The following ANO3 variants were observed in gnomAD, a reference collection of about 807,000 sequenced individuals.
ANO3 encodes the protein anoctamin 3, also known as anoctamin-3.
In ANO3, 99 loss-of-function variants were observed where a neutral mutation model predicts 144.8. The ratio of observed to expected loss-of-function variants is 0.68; its 90% CI spans 0.58 to 0.81. ANO3 has a LOEUF of 0.81. Among genes scored for constraint, ANO3 ranks in the 30% least tolerant of loss-of-function variants. The pLI is 0.00. For missense variants in ANO3, 905 were observed against 1,202.2 expected (o/e 0.75, Z 3.66); for synonymous variants, 414 against 392.6 (o/e 1.05, Z -0.64).
intron 1 of ANO3, among the ~76,000 whole-genome samples, chr11:26,250,870 C>A (rs1852912895): frequency 6.6e-6 from 1 of 152,080 alleles, no homozygotes; most frequent in Non-Finnish European, 1.5e-5. Context: ...GTACATCTAC[C>A]TACTAAATAT....
At chr11:26,474,232 T>C (rs1859879525) in intron 4 of ANO3, 1 of 380,214 alleles carries the variant, frequency 2.6e-6, no homozygotes. Context: ...GATTTCAGAA[T>C]TGGAATTGAG....
At chr11:26,633,682 A>G (rs1852856063) in intron 18 of ANO3, among the ~76,000 whole-genome samples, 1 of 152,226 alleles carries the variant, frequency 6.6e-6, no homozygotes, top group Admixed American at 6.5e-5. Flanking sequence ...TCTAAAGATT[A>G]TCTTACGAAG....
chr11:26,585,655 C>G (rs1366093012), intron 14 of ANO3, among the ~76,000 whole-genome samples: 1 of 152,096 alleles, frequency 6.6e-6, no homozygotes. Flanking sequence ...GATTTTCATT[C>G]CCACCTATCA....
upstream of ANO3, among the ~76,000 whole-genome samples, chr11:26,329,663 C>T (rs914288549): frequency 6.6e-6 from 1 of 152,086 alleles, no homozygotes; most frequent in Non-Finnish European, 1.5e-5. Context: ...AAAATCTCAA[C>T]TCATTTCTAG....
At chr11:26,517,035 T>G (rs1185552978) in intron 6 of ANO3, 108 bp downstream of exon 6, 2 of 549,340 alleles carry the variant, frequency 3.6e-6, no homozygotes, top group Non-Finnish European at 6.0e-6. Context: ...AAAATGCTTT[T>G]TCTTTCAAAA....
At chr11:26,317,960 C>G (rs943898523) in intron 1 of ANO3, among the ~76,000 whole-genome samples, 1 of 152,220 alleles carries the variant, frequency 6.6e-6, no homozygotes, top group Non-Finnish European at 1.5e-5. Context: ...CCTTTGCAGG[C>G]ACATGGATGA....
chr11:26,490,636 G>A (rs916932992), intron 4 of ANO3, among the ~76,000 whole-genome samples: 1 of 152,126 alleles, frequency 6.6e-6, no homozygotes, highest in African/African-American at 2.4e-5. Context: ...AGAAATGAAG[G>A]TAGAATGAAT....
chr11:26,498,606 T>C (rs1861064130), intron 4 of ANO3, among the ~76,000 whole-genome samples: 1 of 151,014 alleles, frequency 6.6e-6, no homozygotes, highest in Non-Finnish European at 1.5e-5. Flanking sequence ...TAAGATCATA[T>C]TGAGCTGGAA....
At chr11:26,296,372 CCCTCT>C (rs879923813) in intron 1 of ANO3, among the ~76,000 whole-genome samples, 202 of 152,278 alleles carry the variant, frequency 1.3e-3, no homozygotes, top group Non-Finnish European at 2.3e-3. Flanking sequence ...GATTAATTGA[CCCTCT>C]CTTCCATGCT....
At chr11:26,519,978 T>TAA (rs143085570) in intron 6 of ANO3, among the ~76,000 whole-genome samples, 11 of 151,318 alleles carry the variant, frequency 7.3e-5, no homozygotes, top group South Asian at 2.1e-4. Flanking sequence ...TTTACTAATT[T>TAA]AAAAAAAAAT....
rs192585001 is a variant in ANO3 at position 26,561,533 on chromosome 11, C to T, written c.1447+1754C>T. Among the ~76,000 whole-genome samples, 7 of 152,034 alleles carry T rather than the reference C, an allele frequency of 4.6e-5. No homozygotes were observed. In the East Asian group the frequency reaches 1.4e-3, roughly 29 times the overall value. ...AGAAGTGTAGACCATACCTCATTGACTTTTGAATCTTGTGATTTCAAAGCC... is the reference window on the plus strand; with the variant it reads ...AGAAGTGTAGACCATACCTCATTGATTTTTGAATCTTGTGATTTCAAAGCC... On this transcript the variant is annotated intron_variant, in intron 14 of 26. Coordinates refer to ENST00000256737, the MANE Select transcript of ANO3 (RefSeq NM_031418.4).
rs1346663322 is a variant in ANO3 at position 26,537,406 on chromosome 11, G to T, written c.977G>T (p.Gly326Val). The change falls in exon 10 of 27, where the codon GGT becomes GTT. Residue 326 changes from glycine (G) to valine (V), a missense_variant and splice_region_variant. Coordinates refer to ENST00000256737, the MANE Select transcript of ANO3 (RefSeq NM_031418.4). Reference sequence around the variant, plus strand: ...AACTGTCCTTTTCTTCTCTTTGCAGGTATCCGTAAACTTATAAACAATGGC... The same window carrying T: ...AACTGTCCTTTTCTTCTCTTTGCAGTTATCCGTAAACTTATAAACAATGGC... ...TKYENGISKV[G>V]IRKLINNGSY... 1 of 1,611,830 alleles carries T rather than the reference G, an allele frequency of 6.2e-7. No individual in the cohort carries two copies. Among genetic ancestry groups the T allele is most frequent in the Admixed American group, 1.7e-5 (1 of 60,004 alleles).
At chr11:26,634,951 T>C in intron 19 of ANO3, 62 bp from the exon 20 acceptor site, 1 of 1,383,366 alleles carries the variant, frequency 7.2e-7, no homozygotes, top group Non-Finnish European at 1.0e-6. Context: ...TTGTGATGCC[T>C]AAGTAGATGT....
intron 3 of ANO3, among the ~76,000 whole-genome samples, chr11:26,456,026 G>A (rs1181141136): frequency 6.6e-6 from 1 of 151,338 alleles, no homozygotes; most frequent in African/African-American, 2.4e-5. Flanking sequence ...GCCATATGTA[G>A]AAAGCTGAAA....
intron 1 of ANO3, among the ~76,000 whole-genome samples, chr11:26,215,456 T>A (rs960101376): frequency 2.0e-5 from 3 of 152,004 alleles, no homozygotes; most frequent in Non-Finnish European, 4.4e-5. Context: ...TGTGAAGATT[T>A]TTTTTTCCCC....
At chr11:26,371,306 T>C (rs1307552645) in intron 1 of ANO3, among the ~76,000 whole-genome samples, 1 of 152,174 alleles carries the variant, frequency 6.6e-6, no homozygotes, top group African/African-American at 2.4e-5. Context: ...CAAAAGACAA[T>C]ATTTGCATTT....
intron 1 of ANO3, among the ~76,000 whole-genome samples, chr11:26,217,450 T>C (rs947399469): frequency 6.6e-6 from 1 of 151,564 alleles, no homozygotes; most frequent in African/African-American, 2.4e-5. Context: ...TGTCATGTAA[T>C]GTGATTTAGC....
chr11:26,333,039 T>G (rs1590267881), intron 1 of ANO3, among the ~76,000 whole-genome samples: 1 of 152,192 alleles, frequency 6.6e-6, no homozygotes, highest in African/African-American at 2.4e-5. Flanking sequence ...GCATTTTTAT[T>G]TTGAGGCACA....
At position 26,647,738 on chromosome 11, in the gene ANO3, G is replaced by A. The variant is rs560291702; in HGVS notation, c.2458G>A (p.Gly820Ser). The change falls in exon 24 of 27, where the codon GGT (glycine) becomes AGT (serine). Residue 820 changes from glycine (G) to serine (S), a missense_variant. Gly to Ser is a moderately conservative substitution (Grantham distance 56). This residue lies in a region of ANO3 where 597 missense variants were observed against 865.1 expected (regional missense o/e 0.69). Transcript: ENST00000256737. ...GIWLGILEGI[G>S]ILAVITNAFV... ...CTGGCTTGGAATTCTCGAAGGAATC[G>A]GTATATTGGCTGTGATCACCAATGC... The A allele has an allele frequency of 8.7e-6, 14 of 1,608,388 alleles. No individual in the cohort carries two copies. Among genetic ancestry groups the A allele is most frequent in the East Asian group, 4.5e-5 (2 of 44,776 alleles).
Sources: gnomAD v4.1 joint callset for allele counts (sites outside exome capture counted in the v4.1 genomes callset) on GRCh38, gnomAD v4.1.1 for gene constraint, gnomAD v4.1.1 regional missense constraint, MANE v1.5 for transcripts, NCBI Gene and HGNC (gene_info 2026-07-23, HGNC 2026-07-21) for gene names.